Variants in CPVL observed in about 807,000 individuals in gnomAD.
CPVL encodes the protein probable serine carboxypeptidase CPVL.
CPVL carries 51 observed loss-of-function variants against 63.7 expected under a neutral mutation model. The ratio of observed to expected loss-of-function variants is 0.80; its 90% CI spans 0.64 to 1.01. CPVL has a LOEUF of 1.01. Ranked by LOEUF, CPVL falls within the 50% of genes least tolerant of loss-of-function variation. The pLI, the probability that CPVL is intolerant of heterozygous loss-of-function variation, is 0.00. For missense variants in CPVL, 530 were observed against 573.1 expected, an observed-to-expected ratio of 0.92 and a Z score of 0.77; for synonymous variants, 195 against 206.0, an observed-to-expected ratio of 0.95 and a Z score of 0.46.
At chr7:29,022,048 G>T (rs537484889) in intron 12 of CPVL, among the ~76,000 whole-genome samples, 2 of 152,172 alleles carry the variant, frequency 1.3e-5, no homozygotes, top group Non-Finnish European at 2.9e-5. Context: ...ACTCTCCAGA[G>T]CCTGAGAGCT....
chr7:29,111,476 A>C (rs323185), intron 3 of CPVL, among the ~76,000 whole-genome samples: 131,049 of 152,194 alleles, frequency 0.86, 56,495 homozygotes, highest in African/African-American at 0.91. Context: ...TTGCATTGCA[A>C]GCTCTAGGCA....
intron 12 of CPVL, among the ~76,000 whole-genome samples, chr7:29,019,382 T>C (rs1786730136): frequency 6.6e-6 from 1 of 152,190 alleles, no homozygotes; most frequent in African/African-American, 2.4e-5. Flanking sequence ...CAAGAAGCAC[T>C]TGCTCTTCAT....
intron 12 of CPVL, among the ~76,000 whole-genome samples, chr7:29,026,800 G>A (rs1258112375): frequency 6.6e-6 from 1 of 152,074 alleles, no homozygotes; most frequent in Non-Finnish European, 1.5e-5. Flanking sequence ...GGAAGATATA[G>A]AAAACTTGAA....
chr7:29,117,104 A>C (rs1176727224), intron 2 of CPVL, among the ~76,000 whole-genome samples: 1 of 152,240 alleles, frequency 6.6e-6, no homozygotes, highest in Non-Finnish European at 1.5e-5. Flanking sequence ...TCAGCCACTT[A>C]AAATTCTGTT....
At chr7:29,148,727 A>G (rs1369678239), upstream of CPVL, 5 of 152,220 alleles carry the variant, frequency 3.3e-5, no homozygotes, top group Non-Finnish European at 7.3e-5. Context: ...GATTAAAAAG[A>G]AAAAACAAGA....
At chr7:29,093,377 C>CAAAAAAA (rs371165878) in intron 5 of CPVL, among the ~76,000 whole-genome samples, 4 of 70,016 alleles carry the variant, frequency 5.7e-5, no homozygotes, top group East Asian at 3.9e-4. Flanking sequence ...ACTCCGTCTC[C>CAAAAAAA]AAAAAAAAAA....
chr7:29,133,043 C>T (rs1433080801), intron 1 of CPVL, among the ~76,000 whole-genome samples: 1 of 151,820 alleles, frequency 6.6e-6, no homozygotes, highest in African/African-American at 2.4e-5. Flanking sequence ...GCAACAAAGT[C>T]ACTGCATGCA....
chr7:29,063,335 A>C (rs560151325), intron 11 of CPVL, among the ~76,000 whole-genome samples: 47 of 152,348 alleles, frequency 3.1e-4, no homozygotes, highest in African/African-American at 1.0e-3. Context: ...AAGTGAATGA[A>C]TACAACCATT....
chr7:29,120,924 G>A lies in CPVL; in HGVS notation c.138C>T (p.Thr46=), dbSNP rs1264504988. ...KGDSGQPLFL[T]PYIEAGKIQK... ...GGATCTTCCCAGCTTCAATGTAAGGGGTGAGAAATAATGGCTGTCCTGAGT... is the reference window on the plus strand; with the variant it reads ...GGATCTTCCCAGCTTCAATGTAAGGAGTGAGAAATAATGGCTGTCCTGAGT... Residue 46 remains threonine (T), a synonymous_variant, in exon 2 of 13, where the codon ACC becomes ACT. Coordinates refer to ENST00000265394, the MANE Select transcript of CPVL (RefSeq NM_031311.5). 1.2e-6 allele frequency: 2 copies of A among 1,613,790 alleles called. No individual in the cohort carries two copies. Among genetic ancestry groups the A allele is most frequent in the South Asian group, 2.2e-5 (2 of 90,970 alleles).
At chr7:29,051,497 G>T (rs997636546) in intron 11 of CPVL, among the ~76,000 whole-genome samples, 1 of 152,042 alleles carries the variant, frequency 6.6e-6, no homozygotes, top group South Asian at 2.1e-4. Flanking sequence ...ATGAAAAAAC[G>T]CTCAACATCA....
At chr7:29,065,581 A>G (rs1284482169) in intron 10 of CPVL, among the ~76,000 whole-genome samples, 1 of 152,340 alleles carries the variant, frequency 6.6e-6, no homozygotes, top group African/African-American at 2.4e-5. Context: ...AAACATCTTA[A>G]AAGTAAGACA....
Position 29,088,103 on chromosome 7 carries a change from T to G in CPVL, c.543-1553A>C, listed in dbSNP as rs1360063865. 3.3e-5 allele frequency among the ~76,000 whole-genome samples: 5 copies of G among 152,246 alleles called. No individual in the cohort carries two copies. The East Asian group carries it at 9.6e-4, about 29-fold the overall frequency. On this transcript the variant is annotated intron_variant, in intron 6 of 12. Coordinates refer to ENST00000265394, the MANE Select transcript of CPVL (RefSeq NM_031311.5). The stretch of plus-strand genomic sequence containing the variant: ...GTAAATCTCAATTAAGCCTTTGGCT[T>G]TAGCTTAAAGCTTATTTCCTTGTAG...
intron 7 of CPVL, among the ~76,000 whole-genome samples, chr7:29,078,935 G>A (rs904339136): frequency 6.6e-5 from 10 of 152,190 alleles, no homozygotes; most frequent in Non-Finnish European, 1.3e-4. Flanking sequence ...GAACATAACT[G>A]AAAATAGAGA....
At chr7:29,194,729 G>T in intron 1 of CPVL, 1 of 432,308 alleles carries the variant, frequency 2.3e-6, no homozygotes, top group Non-Finnish European at 4.0e-6. Flanking sequence ...GGCGCGGAGC[G>T]GGACGGAAAC....
chr7:29,124,381 GTTC>G (rs1237614339), intron 1 of CPVL, among the ~76,000 whole-genome samples: 3 of 152,034 alleles, frequency 2.0e-5, no homozygotes, highest in African/African-American at 2.4e-5. Context: ...CAAACAAAAT[GTTC>G]TTCTTAATAA....
rs775801158 is a variant in CPVL, at chr7:29,092,736, A to T, written c.463-34T>A. 8.3e-6 allele frequency: 12 copies of T among 1,446,346 alleles called. No homozygotes were observed. The South Asian group carries it at 1.4e-4, about 17-fold the overall frequency. The allele number at this position is 1,446,346 out of a possible 1,614,324, so 89.6% of individuals were successfully genotyped here. ...GAAATAAACACGCAGGTATAAACAC[A>T]GAGAAACACATGCCTTAGGGACCTG... On this transcript the variant is annotated intron_variant, in intron 5 of 12. Coordinates refer to ENST00000265394, the MANE Select transcript of CPVL (RefSeq NM_031311.5).
intron 1 of CPVL, 114 bp from the exon 2 acceptor site, chr7:29,121,185 C>G: frequency 1.0e-6 from 1 of 968,796 alleles, no homozygotes; most frequent in South Asian, 1.9e-5. Flanking sequence ...TGTAAAGGCC[C>G]TCTGCAAGGA....
At chr7:29,155,680 G>C (rs1794263682) in intron 5 of CPVL, among the ~76,000 whole-genome samples, 1 of 152,166 alleles carries the variant, frequency 6.6e-6, no homozygotes, top group Admixed American at 6.5e-5. Flanking sequence ...TCATCGTCCT[G>C]CTTCCGTGTT....
At chr7:29,020,864 A>G (rs1207171902) in intron 12 of CPVL, among the ~76,000 whole-genome samples, 2 of 152,238 alleles carry the variant, frequency 1.3e-5, no homozygotes, top group African/African-American at 4.8e-5. Context: ...GATCTTAAGA[A>G]ACATTAAATC....
Sources: allele counts gnomAD v4.1 joint callset (sites outside exome capture counted in the v4.1 genomes callset), GRCh38; gene constraint gnomAD v4.1.1; transcripts MANE v1.5; gene names NCBI Gene and HGNC (gene_info 2026-07-23, HGNC 2026-07-21).